COL16A1: variants seen among roughly 807,000 people sequenced by gnomAD.
The protein encoded by COL16A1 is collagen type XVI alpha 1 chain, also known as collagen alpha-1(XVI) chain.
Under a neutral mutation model 266.3 loss-of-function variants are expected in COL16A1, and 189 were observed. That is an observed-to-expected ratio of 0.71 (90% CI 0.63 to 0.80). COL16A1 has a LOEUF of 0.80. COL16A1 is among the 30% of genes least tolerant of loss of function. The pLI is 0.00. For synonymous variants in COL16A1, 740 were observed against 782.3 expected (o/e 0.95, Z 0.90); for missense variants, 1,928 against 2,122.4 (o/e 0.91, Z 1.80).
chr1:31,665,833 C>T (rs1473977668), intron 54 of COL16A1, 49 bp downstream of exon 54: 1 of 1,612,052 alleles, frequency 6.2e-7, no homozygotes, highest in East Asian at 2.2e-5. Context: ...TCACCAGGGA[C>T]CCAGCTCCTT....
chr1:31,684,936 T>C (rs1490066223), intron 29 of COL16A1, 80 bp from the exon 30 acceptor site: 6 of 1,605,896 alleles, frequency 3.7e-6, no homozygotes, highest in South Asian at 2.2e-5. Context: ...GGCTGGGGCA[T>C]ACAACAGTAA....
intron 67 of COL16A1, 43 bp downstream of exon 67, chr1:31,655,271 G>A: frequency 6.3e-7 from 1 of 1,580,384 alleles, no homozygotes. Context: ...CCACATGCCT[G>A]CTCTATGGGA....
Position 31,684,239 on chromosome 1 carries a change from G to A in COL16A1, c.2161-8C>T. ...GGCAGTGCAGCCATCACCCTGGTCA[G>A]AGATGGGTACAGCCAGGAGCCCATG... On this transcript the variant is annotated splice_region_variant and splice_polypyrimidine_tract_variant and intron_variant, in intron 31 of 70. Coordinates refer to ENST00000373672, the MANE Select transcript of COL16A1 (RefSeq NM_001856.4). The A allele has an allele frequency of 6.7e-7, 1 of 1,483,016 alleles. No individual in the cohort carries two copies. The highest frequency in any genetic ancestry group is 9.0e-7 in the Non-Finnish European group (1 of 1,114,320). The allele number at this position is 1,483,016 out of a possible 1,614,324, so 91.9% of individuals were successfully genotyped here.
intron 59 of COL16A1, 45 bp from the exon 60 acceptor site, chr1:31,661,503 G>A (rs987384580): frequency 2.5e-6 from 4 of 1,614,070 alleles, no homozygotes; most frequent in Non-Finnish European, 3.4e-6. Context: ...ATGTCAGCTG[G>A]GGGCCTCTTC....
chr1:31,682,901 A>G, intron 37 of COL16A1, 33 bp downstream of exon 37: 1 of 1,612,822 alleles, frequency 6.2e-7, no homozygotes, highest in Non-Finnish European at 8.5e-7. Context: ...GGTTCCAGCA[A>G]CACCACCAGC....
At chr1:31,684,746 A>G in intron 30 of COL16A1, 75 bp downstream of exon 30, 2 of 1,611,498 alleles carry the variant, frequency 1.2e-6, no homozygotes, top group Non-Finnish European at 8.5e-7. Context: ...GGGGCTAGGG[A>G]GGGAGGAAAA....
intron 52 of COL16A1, 123 bp downstream of exon 52, chr1:31,667,452 T>TGGGGGCAG: frequency 1.3e-6 from 1 of 773,012 alleles, no homozygotes; most frequent in Non-Finnish European, 2.1e-6. Flanking sequence ...GCTGCAGGCT[T>TGGGGGCAG]GGGGGCAGGG....
rs879770790 is a variant in COL16A1 at position 31,685,526 on chromosome 1, C to T, written c.2016+113G>A. ...AGAGGCTCTGACCCCGCCACACCCT[C>T]CCCACTACCCCCAACTGCCCAGGGA... is the stretch of plus-strand genomic sequence containing the variant. On this transcript the variant is annotated intron_variant, in intron 29 of 70. Transcript: ENST00000373672. This position sits in a 1 kb window ranked among gnomAD's most constrained non-coding sequence, Gnocchi z 4.0. 4 of 1,211,532 alleles carry T rather than the reference C, an allele frequency of 3.3e-6. No homozygotes were observed. The Admixed American group carries it at 6.6e-5, about 20-fold the overall frequency. 75.0% of individuals were successfully genotyped at this position (1,211,532 alleles called of 1,614,324 possible).
chr1:31,690,871 C>T (rs1644231404), intron 20 of COL16A1, among the ~76,000 whole-genome samples: 2 of 152,212 alleles, frequency 1.3e-5, no homozygotes, highest in Admixed American at 1.3e-4. Context: ...GAGCTTTCTG[C>T]ACATCCAGGC....
At chr1:31,682,262 T>A (rs1249147714) in intron 37 of COL16A1, among the ~76,000 whole-genome samples, 1 of 152,216 alleles carries the variant, frequency 6.6e-6, no homozygotes, top group Non-Finnish European at 1.5e-5. Context: ...ACATGTCTCT[T>A]AAAACGTGGG....
intron 52 of COL16A1, 115 bp from the exon 53 acceptor site, chr1:31,666,196 G>T: frequency 8.8e-7 from 1 of 1,130,988 alleles, no homozygotes; most frequent in Non-Finnish European, 1.3e-6. Flanking sequence ...GGAGGCCCCT[G>T]GGCTGGCAGG....
Position 31,684,309 on chromosome 1 carries a change from A to G in COL16A1, c.2161-78T>C, listed in dbSNP as rs1643869041. On this transcript the variant is annotated intron_variant, in intron 31 of 70. Coordinates refer to ENST00000373672, the MANE Select transcript of COL16A1 (RefSeq NM_001856.4). Reference sequence around the variant, plus strand: ...GCCAGGACGCCCTGCACCCCTCTGAACACTCTGCCCCTTGAATGCTCCCAC... The same window carrying G: ...GCCAGGACGCCCTGCACCCCTCTGAGCACTCTGCCCCTTGAATGCTCCCAC... The G allele has an allele frequency of 4.1e-6, 6 of 1,449,148 alleles. No individual in the cohort carries two copies. In the East Asian group the frequency reaches 1.5e-4, roughly 36 times the overall value. The allele number at this position is 1,449,148 out of a possible 1,614,324, so 89.8% of individuals were successfully genotyped here.
chr1:31,660,820 G>T (rs991671600), intron 61 of COL16A1, among the ~76,000 whole-genome samples, 182 bp from the exon 62 acceptor site: 1 of 152,222 alleles, frequency 6.6e-6, no homozygotes, highest in African/African-American at 2.4e-5. Context: ...CGGATCCTCA[G>T]CCTGAGCAGG....
Position 31,691,210 on chromosome 1 carries a change from G to A in COL16A1, c.1415C>T (p.Pro472Leu). The A allele has an allele frequency of 6.2e-7, 1 of 1,613,978 alleles. No homozygotes were observed. Among genetic ancestry groups the A allele is most frequent in the Non-Finnish European group, 8.5e-7 (1 of 1,179,922 alleles). ...CACCTTGTCTCCCTTGGGGCCTGGT[G>A]GGCCACCTGGATCCCCCTGAGGGCA... ...LPGTPGDPGG[P>L]PGPKGDKGSS... The change falls in exon 20 of 71, where the codon CCA (proline) becomes CTA (leucine). Residue 472 changes from proline (P) to leucine (L), a missense_variant. This residue lies in a region of COL16A1 where 1,552 missense variants were observed against 1,637.2 expected (regional missense o/e 0.95). Coordinates refer to ENST00000373672, the MANE Select transcript of COL16A1 (RefSeq NM_001856.4).
At chr1:31,671,745 C>T (rs1642729492) in intron 47 of COL16A1, 86 bp from the exon 48 acceptor site, 1 of 1,566,812 alleles carries the variant, frequency 6.4e-7, no homozygotes, top group African/African-American at 1.3e-5. Context: ...CCCAGCTTGC[C>T]AGGGCCAAGG....
At chr1:31,681,992 A>C (rs1643678510) in intron 37 of COL16A1, among the ~76,000 whole-genome samples, 2 of 146,076 alleles carry the variant, frequency 1.4e-5, no homozygotes, top group Non-Finnish European at 3.0e-5. Flanking sequence ...GGGATCCGCA[A>C]AGACAGAAGA....
Position 31,684,093 on chromosome 1 carries a change from A to G in COL16A1, c.2283+16T>C. On this transcript the variant is annotated intron_variant, in intron 32 of 70. Coordinates refer to ENST00000373672, the MANE Select transcript of COL16A1 (RefSeq NM_001856.4). ...CAAAGCCCAGGCAGGGAAGGGCCGG[A>G]GGGCAGGCAACTCACGGGTTTACCA... The G allele has an allele frequency of 6.2e-7, 1 of 1,603,650 alleles. No homozygotes were observed. The highest frequency in any genetic ancestry group is 8.5e-7 in the Non-Finnish European group (1 of 1,174,458).
chr1:31,652,620 G>A lies in COL16A1; in HGVS notation c.*31C>T, dbSNP rs1309676934. Reference sequence around the variant, plus strand: ...AAGCTTTGGCCATTTATTCCCAACGGAGTCTTTCATCCAAAGGCAGGTGGG... The same window carrying A: ...AAGCTTTGGCCATTTATTCCCAACGAAGTCTTTCATCCAAAGGCAGGTGGG... On this transcript the variant is annotated 3_prime_UTR_variant, in exon 71 of 71. Transcript: ENST00000373672. The surrounding 1 kb of genome is among the most constrained non-coding windows in gnomAD (Gnocchi z 4.8). 6.5e-7 allele frequency: 1 copy of A among 1,530,878 alleles called. No individual in the cohort carries two copies. The highest frequency in any genetic ancestry group is 2.3e-5 in the East Asian group (1 of 43,040). 94.8% of individuals were successfully genotyped at this position (1,530,878 alleles called of 1,614,324 possible).
At chr1:31,677,066 T>C (rs1340784140) in intron 42 of COL16A1, among the ~76,000 whole-genome samples, 1 of 147,550 alleles carries the variant, frequency 6.8e-6, no homozygotes, top group Admixed American at 6.9e-5. Context: ...CTTGAACATG[T>C]CAATTATTAT....
Sources: allele counts gnomAD v4.1 joint callset (sites outside exome capture counted in the v4.1 genomes callset), GRCh38; gene constraint gnomAD v4.1.1; regional missense constraint gnomAD v4.1.1; non-coding constraint Gnocchi (gnomAD v3.1); transcripts MANE v1.5; gene names NCBI Gene and HGNC (gene_info 2026-07-23, HGNC 2026-07-21).